The following MED14 variants were observed in gnomAD, a reference collection of about 807,000 sequenced individuals.
MED14 encodes mediator of RNA polymerase II transcription subunit 14.
A neutral mutation model predicts 109.0 loss-of-function variants in MED14; 8 were observed. The observed-to-expected ratio is 0.07, with a 90% confidence interval of 0.04 to 0.13. The LOEUF (loss-of-function observed/expected upper bound fraction) is 0.13. MED14 is among the 10% of genes least tolerant of loss of function. The pLI, the probability that MED14 is intolerant of heterozygous loss-of-function variation, is 1.00. For missense variants in MED14, 711 were observed against 1,142.4 expected, an observed-to-expected ratio of 0.62 and a Z score of 5.44; for synonymous variants, 399 against 408.7, an observed-to-expected ratio of 0.98 and a Z score of 0.29.
rs148457998 is a variant in MED14, at chrX:40,718,423, C to T, written c.349-3713G>A. ...TACTGGGATGCCACAGTTTATCCAG[C>T]CCCTATCACTCCACTTAAACATAAA... On this transcript the variant is annotated intron_variant, in intron 3 of 30. Transcript: ENST00000324817. Among the ~76,000 whole-genome samples, 63 of 112,394 alleles carry T rather than the reference C, an allele frequency of 5.6e-4. No individual in the cohort carries two copies. In the East Asian group the frequency reaches 0.014, roughly 25 times the overall value.
At chrX:40,661,503 T>G (rs1217564051) in intron 26 of MED14, among the ~76,000 whole-genome samples, 5 of 112,741 alleles carry the variant, frequency 4.4e-5, no homozygotes, top group Non-Finnish European at 9.4e-5. Context: ...TGAGCCACTG[T>G]GCCCGGCCTA....
intron 3 of MED14, among the ~76,000 whole-genome samples, chrX:40,716,082 G>A (rs1244751116): frequency 1.4e-4 from 16 of 110,638 alleles, no homozygotes; most frequent in African/African-American, 4.9e-4. Context: ...TGGCCAAAAG[G>A]TATTATGAAA....
At position 40,711,241 on chromosome X, in the gene MED14, C is replaced by T. The variant is rs751230829; in HGVS notation, c.950G>A (p.Arg317Gln). Residue 317 changes from arginine to glutamine, a missense_variant, in exon 8 of 31, where the codon CGA (arginine) becomes CAA (glutamine). Physicochemically the swap from Arg to Gln is conservative, Grantham distance 43 (BLOSUM62 1). This residue lies in a region of MED14 where 388 missense variants were observed against 517.3 expected (regional missense o/e 0.75). Transcript: ENST00000324817. ...VLHSQTLMLI[R>Q]ERWGDLVQVE... ...CTGCACAAGGTCTCCCCACCGTTCT[C>T]GGATTAACATTAGAGTTTGGGAATG... 4 of 1,206,615 alleles carry T rather than the reference C, an allele frequency of 3.3e-6. No individual in the cohort carries two copies. The highest frequency in any genetic ancestry group is 3.0e-5 in the East Asian group (1 of 33,810).
upstream of MED14, chrX:40,735,778 G>A (rs1368195012): frequency 5.5e-6 from 2 of 364,770 alleles, no homozygotes; most frequent in East Asian, 1.5e-4. Flanking sequence ...ACCTGCAGAG[G>A]ACCTTCCGAC....
At position 40,682,983 on chromosome X, in the gene MED14, T is replaced by C; in HGVS notation, c.2071A>G (p.Lys691Glu). The change falls in exon 17 of 31, where the codon AAG becomes GAG. Residue 691 changes from lysine to glutamate, a missense_variant. Around this residue, in one of 8 missense-constraint regions of MED14, gnomAD observed 388 missense variants for 517.3 expected, o/e 0.75. Transcript: ENST00000324817. ...AIRLLKIPPCKGITEETQKAL... is the reference protein window; with the variant it reads ...AIRLLKIPPCEGITEETQKAL... ...TTTTGGGTTTCCTCAGTTATACCCT[T>C]ACAGGGAGGAATTCTGGTGATAAAA... The C allele has an allele frequency of 8.3e-7, 1 of 1,203,639 alleles. No individual in the cohort carries two copies. Among genetic ancestry groups the C allele is most frequent in the Non-Finnish European group, 1.1e-6 (1 of 891,700 alleles).
rs1371842587 is a variant in MED14 at position 40,726,956 on chromosome X, TACA to T, written c.243-108_243-106del. The T allele has an allele frequency of 9.4e-6, 6 of 639,518 alleles. No individual in the cohort carries two copies. The African/African-American group carries it at 1.1e-4, about 12-fold the overall frequency. 52.7% of individuals were successfully genotyped at this position (639,518 alleles called of 1,213,427 possible). A position where few individuals can be genotyped will look rare whatever the true frequency, so the allele number is the denominator to read the frequency against. On this transcript the variant is annotated intron_variant, in intron 2 of 30. Transcript: ENST00000324817. ...ATAAATAAATAAATCAGCCTTTGCT[TACA>T]ACCACTACAAAATGAGCCACCTAAA...
At chrX:40,718,013 A>T (rs779767083) in intron 3 of MED14, among the ~76,000 whole-genome samples, 2 of 112,262 alleles carry the variant, frequency 1.8e-5, no homozygotes, top group Non-Finnish European at 3.8e-5. Context: ...GTACAACCAG[A>T]TAATTACTAT....
At chrX:40,661,743 G>C (rs1292988362) in intron 26 of MED14, among the ~76,000 whole-genome samples, 2 of 111,735 alleles carry the variant, frequency 1.8e-5, no homozygotes, top group East Asian at 5.5e-4. Flanking sequence ...CTGTAGAACT[G>C]GTGCTCTCAA....
At chrX:40,720,235 C>T (rs1414643095) in intron 3 of MED14, among the ~76,000 whole-genome samples, 1 of 112,527 alleles carries the variant, frequency 8.9e-6, no homozygotes, top group East Asian at 2.8e-4. Flanking sequence ...TGAGCAATCA[C>T]AGTACTTGGT....
intron 3 of MED14, among the ~76,000 whole-genome samples, chrX:40,715,785 C>CAAA (rs1491314503): frequency 1.0e-3 from 4 of 3,821 alleles, no homozygotes; most frequent in Non-Finnish European, 1.0e-3. Flanking sequence ...GACTCCGTCT[C>CAAA]AAAAAAAAAA....
intron 10 of MED14, among the ~76,000 whole-genome samples, chrX:40,706,815 G>GT (rs1286218168): frequency 6.3e-5 from 7 of 111,667 alleles, no homozygotes; most frequent in African/African-American, 2.3e-4. Context: ...TTTTTGTTCT[G>GT]TTTTTTAACT....
In MED14 at chrX:40,649,752, A is replaced by G; in HGVS notation, c.*2054T>C. 1.2e-6 allele frequency: 1 copy of G among 851,194 alleles called. No homozygotes were observed. Among genetic ancestry groups the G allele is most frequent in the South Asian group, 3.5e-5 (1 of 28,377 alleles). 70.1% of individuals were successfully genotyped at this position (851,194 alleles called of 1,213,427 possible). A position where few individuals can be genotyped will look rare whatever the true frequency, so the allele number is the denominator to read the frequency against. On this transcript the variant is annotated 3_prime_UTR_variant, in exon 31 of 31. Transcript: ENST00000324817. ...TGCTAAATGTTTTCAAGCTTTAATA[A>G]GGTATATATCAATTCCAAGTACCAA... is the stretch of plus-strand genomic sequence containing the variant.
chrX:40,661,677 T>C (rs1929277975), intron 26 of MED14, among the ~76,000 whole-genome samples: 1 of 112,253 alleles, frequency 8.9e-6, no homozygotes, highest in African/African-American at 3.2e-5. Context: ...CTGAAGAAAT[T>C]TGCCTAAGCA....
At chrX:40,730,714 TAGAGTA>T (rs1391215604) in intron 1 of MED14, among the ~76,000 whole-genome samples, 4 of 111,476 alleles carry the variant, frequency 3.6e-5, no homozygotes, top group Non-Finnish European at 7.5e-5. Flanking sequence ...AGCTACCATT[TAGAGTA>T]AAAGTTCTAA....
intron 25 of MED14, among the ~76,000 whole-genome samples, chrX:40,663,853 C>G (rs777681233): frequency 1.8e-5 from 2 of 112,197 alleles, no homozygotes; most frequent in South Asian, 7.4e-4. Flanking sequence ...TCCTGGCATA[C>G]AAATCCTAAA....
intron 25 of MED14, among the ~76,000 whole-genome samples, chrX:40,663,871 G>A (rs1401410670): frequency 9.0e-6 from 1 of 111,555 alleles, no homozygotes; most frequent in Non-Finnish European, 1.9e-5. Flanking sequence ...AAAATTTTTG[G>A]ACTCTTCAAA....
chrX:40,653,415 A>G (rs920871099), intron 30 of MED14, among the ~76,000 whole-genome samples: 2 of 111,886 alleles, frequency 1.8e-5, no homozygotes, highest in African/African-American at 6.5e-5. Context: ...TGCATATCCA[A>G]TGTGGGGAAA....
At chrX:40,666,378 T>A (rs1473537504) in intron 24 of MED14, among the ~76,000 whole-genome samples, 1 of 103,688 alleles carries the variant, frequency 9.6e-6, no homozygotes, top group Non-Finnish European at 2.0e-5. Flanking sequence ...TACCCATTGT[T>A]GGGGGGCAAG....
chrX:40,665,873 A>G (rs765330701), intron 24 of MED14, among the ~76,000 whole-genome samples: 9 of 112,722 alleles, frequency 8.0e-5, no homozygotes, highest in Admixed American at 6.6e-4. Context: ...TTGTGAAAAA[A>G]TGGAAACATT....
Sources: gnomAD v4.1 joint callset for allele counts (sites outside exome capture counted in the v4.1 genomes callset) on GRCh38, gnomAD v4.1.1 for gene constraint, gnomAD v4.1.1 regional missense constraint, MANE v1.5 for transcripts, NCBI Gene and HGNC (gene_info 2026-07-23, HGNC 2026-07-21) for gene names.